The following MGAT4C variants were observed in gnomAD, a reference collection of about 807,000 sequenced individuals.
The protein encoded by MGAT4C is MGAT4 family member C.
A neutral mutation model predicts 40.1 loss-of-function variants in MGAT4C; 19 were observed. The ratio of observed to expected loss-of-function variants is 0.47; its 90% confidence interval spans 0.33 to 0.70. MGAT4C has a LOEUF of 0.70. MGAT4C is among the 30% of genes least tolerant of loss of function. The pLI is 0.02. For missense variants in MGAT4C, 491 were observed against 563.2 expected, an observed-to-expected ratio of 0.87 and a Z score of 1.30; for synonymous variants, 181 against 187.1, an observed-to-expected ratio of 0.97 and a Z score of 0.27.
At chr12:86,819,656 C>A (rs1392595011) in intron 1 of MGAT4C, among the ~76,000 whole-genome samples, 1 of 150,678 alleles carries the variant, frequency 6.6e-6, no homozygotes, top group African/African-American at 2.4e-5. Context: ...ATTTCTGAAA[C>A]AATGTACAGT....
intron 2 of MGAT4C, among the ~76,000 whole-genome samples, chr12:86,592,594 A>T (rs953863212): frequency 3.3e-5 from 5 of 152,160 alleles, no homozygotes; most frequent in African/African-American, 1.2e-4. Flanking sequence ...GGCGGCTGAA[A>T]GGGATATACC....
intron 1 of MGAT4C, among the ~76,000 whole-genome samples, chr12:86,081,141 G>A (rs1870765384): frequency 6.6e-6 from 1 of 151,994 alleles, no homozygotes; most frequent in Non-Finnish European, 1.5e-5. Context: ...AAACAAACAT[G>A]GTTATTGTGG....
chr12:86,723,487 G>T (rs148082198), intron 2 of MGAT4C, among the ~76,000 whole-genome samples: 6 of 152,112 alleles, frequency 3.9e-5, no homozygotes, highest in African/African-American at 1.4e-4. Context: ...AGCCTCGGGG[G>T]CTCTTTGTCT....
chr12:86,435,868 G>A, intron 2 of MGAT4C, among the ~76,000 whole-genome samples: 1 of 151,768 alleles, frequency 6.6e-6, no homozygotes, highest in East Asian at 1.9e-4. Context: ...CAATGAAGAG[G>A]TCACAAAGCA....
chr12:86,630,764 G>T (rs970316486), intron 2 of MGAT4C, among the ~76,000 whole-genome samples: 3 of 152,052 alleles, frequency 2.0e-5, no homozygotes, highest in African/African-American at 7.2e-5. Flanking sequence ...AAAATAATAA[G>T]AACTGCTTAT....
intron 1 of MGAT4C, among the ~76,000 whole-genome samples, chr12:86,139,362 T>A (rs1052796973): frequency 6.6e-6 from 1 of 152,126 alleles, no homozygotes; most frequent in Non-Finnish European, 1.5e-5. Context: ...CATTTATGTC[T>A]GTATCCCTAA....
At chr12:86,338,958 CAAAAAAAAAAA>C (rs67462771) in intron 3 of MGAT4C, among the ~76,000 whole-genome samples, 2 of 66,118 alleles carry the variant, frequency 3.0e-5, no homozygotes, top group Non-Finnish European at 2.6e-5. Context: ...GACTCCATCT[CAAAAAAAAAAA>C]AAAAAAAAAA....
At chr12:86,379,789 C>T (rs893123891) in intron 3 of MGAT4C, among the ~76,000 whole-genome samples, 3 of 151,994 alleles carry the variant, frequency 2.0e-5, no homozygotes, top group Admixed American at 1.3e-4. Context: ...TATATCTGCT[C>T]TTTTATCTTT....
At chr12:86,034,046 A>G (rs1041558147) in intron 2 of MGAT4C, among the ~76,000 whole-genome samples, 3 of 149,644 alleles carry the variant, frequency 2.0e-5, no homozygotes, top group African/African-American at 7.3e-5. Context: ...TTTATGTGAC[A>G]AATCACATTT....
chr12:86,277,105 T>C, intron 4 of MGAT4C, among the ~76,000 whole-genome samples: 1 of 152,190 alleles, frequency 6.6e-6, no homozygotes, highest in African/African-American at 2.4e-5. Flanking sequence ...TGGTTGCCTG[T>C]GTTTTGGATA....
At chr12:86,754,431 T>C (rs1166182546) in intron 1 of MGAT4C, among the ~76,000 whole-genome samples, 1 of 152,086 alleles carries the variant, frequency 6.6e-6, no homozygotes, top group African/African-American at 2.4e-5. Context: ...TGTATACATA[T>C]GGCAAAACTA....
At chr12:86,538,434 G>A (rs577351792) in intron 2 of MGAT4C, among the ~76,000 whole-genome samples, 218 of 152,244 alleles carry the variant, frequency 1.4e-3, no homozygotes, top group African/African-American at 4.9e-3. Context: ...TTTACATGGA[G>A]GGATTGGATC....
At position 85,973,899 on chromosome 12, in the gene MGAT4C, TA is replaced by T. The variant is rs1486490136; in HGVS notation, c.*5389del. ...CAAACATACATTTCAATTTCAATGT[TA>T]AAAATAGGATATTAAACATCTCAGA... On this transcript the variant is annotated 3_prime_UTR_variant, in exon 5 of 5. Transcript: ENST00000611864. The T allele has an allele frequency of 6.6e-6, 1 of 150,886 alleles. No individual in the cohort carries two copies. Among genetic ancestry groups the T allele is most frequent in the African/African-American group, 2.4e-5 (1 of 41,316 alleles). The allele number at this position is 150,886 out of a possible 1,614,324, so 9.3% of individuals were successfully genotyped here. A position where few individuals can be genotyped will look rare whatever the true frequency, so the allele number is the denominator to read the frequency against.
chr12:86,317,621 A>G (rs1378055860), intron 4 of MGAT4C, among the ~76,000 whole-genome samples: 1 of 152,024 alleles, frequency 6.6e-6, no homozygotes, highest in Non-Finnish European at 1.5e-5. Context: ...TTATGTAGAT[A>G]ACAAAGCAAA....
At chr12:86,373,351 C>T (rs1955758888) in intron 3 of MGAT4C, among the ~76,000 whole-genome samples, 1 of 151,950 alleles carries the variant, frequency 6.6e-6, no homozygotes, top group African/African-American at 2.4e-5. Context: ...AGTCTTGGGA[C>T]TGACCCTATT....
chr12:86,639,150 T>C (rs1050661145), intron 2 of MGAT4C, among the ~76,000 whole-genome samples: 70 of 151,886 alleles, frequency 4.6e-4, no homozygotes, highest in African/African-American at 1.4e-3. Flanking sequence ...CAATGTCATT[T>C]ACCAAAATTA....
chr12:86,028,250 G>A lies in MGAT4C; in HGVS notation c.-7+21424C>T, dbSNP rs977635401. 6 of 1,096,146 alleles carry A rather than the reference G, an allele frequency of 5.5e-6. No individual in the cohort carries two copies. In the African/African-American group the frequency reaches 6.5e-5, roughly 12 times the overall value. 67.9% of individuals were successfully genotyped at this position (1,096,146 alleles called of 1,614,324 possible). On this transcript the variant is annotated intron_variant, in intron 2 of 4. Coordinates refer to ENST00000611864, the MANE Select transcript of MGAT4C (RefSeq NM_001351288.2). ...AAAATCTTTTTCATTATTATTAAAAGCTCCTATTACCTTCTCTTGCCCTAG... is the reference window on the plus strand; with the variant it reads ...AAAATCTTTTTCATTATTATTAAAAACTCCTATTACCTTCTCTTGCCCTAG...
At chr12:86,590,118 C>G (rs1352716183) in intron 2 of MGAT4C, among the ~76,000 whole-genome samples, 2 of 151,666 alleles carry the variant, frequency 1.3e-5, no homozygotes, top group Non-Finnish European at 2.9e-5. Flanking sequence ...CAAAACAAAA[C>G]AAAACAGTAA....
intron 3 of MGAT4C, among the ~76,000 whole-genome samples, chr12:86,414,338 A>C (rs2136248571): frequency 6.6e-6 from 1 of 152,280 alleles, no homozygotes; most frequent in Admixed American, 6.5e-5. Flanking sequence ...AGTGTAAAGA[A>C]AAATACATTT....
Sources: allele counts gnomAD v4.1 joint callset (sites outside exome capture counted in the v4.1 genomes callset), GRCh38; gene constraint gnomAD v4.1.1; transcripts MANE v1.5; gene names NCBI Gene and HGNC (gene_info 2026-07-23, HGNC 2026-07-21).